Variants in SCFD2 observed in about 807,000 individuals in gnomAD.
SCFD2 encodes sec1 family domain-containing protein 2.
Under a neutral mutation model 58.9 loss-of-function variants are expected in SCFD2, and 54 were observed. That is an observed-to-expected ratio of 0.92 (90% CI 0.74 to 1.15). The LOEUF is 1.15. SCFD2 is among the 50% of genes most tolerant of loss of function. The pLI is 0.00. For synonymous variants in SCFD2, 321 were observed against 335.9 expected, an observed-to-expected ratio of 0.96 and a Z score of 0.49; for missense variants, 805 against 836.6, an observed-to-expected ratio of 0.96 and a Z score of 0.47.
intron 5 of SCFD2, among the ~76,000 whole-genome samples, chr4:52,946,310 G>C (rs1720424817): frequency 1.3e-5 from 2 of 151,974 alleles, no homozygotes; most frequent in African/African-American, 4.8e-5. Flanking sequence ...AGATCCTTAA[G>C]ATCTCATAGG....
chr4:53,023,944 G>T (rs1276322200), intron 5 of SCFD2, among the ~76,000 whole-genome samples: 1 of 152,152 alleles, frequency 6.6e-6, no homozygotes, highest in Non-Finnish European at 1.5e-5. Flanking sequence ...GAGATTGGGG[G>T]TGGTGGTGGA....
chr4:52,877,450 A>C (rs1472332510), intron 8 of SCFD2, among the ~76,000 whole-genome samples: 1 of 152,174 alleles, frequency 6.6e-6, no homozygotes, highest in Non-Finnish European at 1.5e-5. Context: ...AGGAGGGTCC[A>C]GTCTGCGCTG....
At chr4:52,937,735 G>A (rs1720178788) in intron 5 of SCFD2, among the ~76,000 whole-genome samples, 1 of 152,164 alleles carries the variant, frequency 6.6e-6, no homozygotes, top group Non-Finnish European at 1.5e-5. Context: ...GGAGGGAGGA[G>A]AGTGCCAATC....
chr4:53,247,050 T>C lies in SCFD2; in HGVS notation c.1311+26776A>G, dbSNP rs182074105. ...CCATTAAAAATTAAGTGGGCAAAGG[T>C]TGAATACTAAGAATGAGAATTAAAA... On this transcript the variant is annotated intron_variant, in intron 4 of 8. Transcript: ENST00000401642. 2.8e-3 allele frequency among the ~76,000 whole-genome samples: 406 copies of C among 144,868 alleles called. 1 individual carries two copies. Among genetic ancestry groups the C allele is most frequent in the African/African-American group, 9.7e-3 (387 of 39,734 alleles).
chr4:53,197,683 T>C (rs181909825), intron 4 of SCFD2, among the ~76,000 whole-genome samples: 11 of 144,684 alleles, frequency 7.6e-5, no homozygotes, highest in African/African-American at 2.6e-4. Flanking sequence ...TTCAAAAGCA[T>C]GAAGACTTCT....
At chr4:53,177,526 T>G (rs964227664) in intron 4 of SCFD2, among the ~76,000 whole-genome samples, 5 of 152,084 alleles carry the variant, frequency 3.3e-5, no homozygotes, top group African/African-American at 1.2e-4. Context: ...AAAGGAGGAC[T>G]GGGAGAGGAG....
At chr4:53,225,326 T>C (rs1047411577) in intron 4 of SCFD2, among the ~76,000 whole-genome samples, 8 of 152,194 alleles carry the variant, frequency 5.3e-5, no homozygotes, top group African/African-American at 1.9e-4. Flanking sequence ...CATCTCAGCA[T>C]TGTTTGGGGT....
intron 5 of SCFD2, among the ~76,000 whole-genome samples, chr4:52,963,419 T>C (rs2109543104): frequency 6.6e-6 from 1 of 152,346 alleles, no homozygotes; most frequent in East Asian, 1.9e-4. Context: ...GTAAGGTCCT[T>C]GGACTGTCTT....
chr4:53,352,571 T>C (rs761625894), intron 2 of SCFD2, 27 bp downstream of exon 2: 9 of 1,566,296 alleles, frequency 5.7e-6, no homozygotes, highest in African/African-American at 4.1e-5. Context: ...CAGAGAAAGA[T>C]AAGATGACAA....
At chr4:53,349,970 G>C (rs541363400) in intron 2 of SCFD2, among the ~76,000 whole-genome samples, 2 of 152,274 alleles carry the variant, frequency 1.3e-5, no homozygotes, top group South Asian at 4.1e-4. Flanking sequence ...GTTACCTTAG[G>C]CATGTTATTT....
At chr4:53,170,352 G>T (rs1727144026) in intron 4 of SCFD2, among the ~76,000 whole-genome samples, 1 of 152,016 alleles carries the variant, frequency 6.6e-6, no homozygotes, top group East Asian at 1.9e-4. Flanking sequence ...AAAATGCATT[G>T]GTTCATTTCT....
chr4:53,195,280 T>G (rs188786873), intron 4 of SCFD2, among the ~76,000 whole-genome samples: 22 of 152,132 alleles, frequency 1.4e-4, no homozygotes, highest in Non-Finnish European at 2.2e-4. Flanking sequence ...TTATTAGGAG[T>G]AGTAGTAGTA....
chr4:53,074,577 A>T (rs935857077), intron 5 of SCFD2, among the ~76,000 whole-genome samples: 2 of 152,182 alleles, frequency 1.3e-5, no homozygotes, highest in African/African-American at 4.8e-5. Context: ...AAATAATATG[A>T]CTTAAAAATC....
chr4:53,239,445 G>GGAGA (rs1729818814), intron 4 of SCFD2, among the ~76,000 whole-genome samples: 1 of 150,006 alleles, frequency 6.7e-6, no homozygotes, highest in Admixed American at 6.6e-5. Context: ...AGAGGGAGAG[G>GGAGA]GAGAGGGAGA....
intron 5 of SCFD2, among the ~76,000 whole-genome samples, chr4:52,983,619 T>C (rs933707880): frequency 1.4e-4 from 22 of 152,206 alleles, no homozygotes; most frequent in African/African-American, 4.6e-4. Flanking sequence ...CAGAATAAAG[T>C]GGTCTGTTCC....
Position 52,907,491 on chromosome 4 carries a change from T to A in SCFD2, c.1808A>T (p.Asp603Val). ...DIEHMSSGLT[D>V]LLKTGFSMFM... ...CATGCTAAATCCAGTTTTAAGGAGA[T>A]CAGTGAGGCCTGAAGACATGTGTTC... The change falls in exon 7 of 9, where the codon GAT becomes GTT. Residue 603 changes from aspartate to valine, a missense_variant. Asp to Val is a radical substitution (Grantham distance 152, BLOSUM62 -3). Transcript: ENST00000401642. 6.2e-7 allele frequency: 1 copy of A among 1,614,072 alleles called. No individual in the cohort carries two copies. The highest frequency in any genetic ancestry group is 8.5e-7 in the Non-Finnish European group (1 of 1,179,964).
intron 4 of SCFD2, among the ~76,000 whole-genome samples, chr4:53,169,357 GACTCAAAAAATAA>G (rs1727110061): frequency 6.6e-6 from 1 of 151,930 alleles, no homozygotes; most frequent in Admixed American, 6.6e-5. Context: ...GCGAGACTCT[GACTCAAAAAATAA>G]AAAAATAAAA....
chr4:53,165,890 T>G (rs182024665), intron 4 of SCFD2, among the ~76,000 whole-genome samples: 117 of 152,342 alleles, frequency 7.7e-4, no homozygotes, highest in African/African-American at 2.7e-3. Flanking sequence ...CTCCATCTCT[T>G]CTCAGATGTA....
At chr4:53,336,426 A>T (rs1429381420) in intron 2 of SCFD2, among the ~76,000 whole-genome samples, 1 of 152,168 alleles carries the variant, frequency 6.6e-6, no homozygotes, top group Non-Finnish European at 1.5e-5. Context: ...GCTCAAAATC[A>T]ATTTTGCTAG....
Sources: gnomAD v4.1 joint callset for allele counts (sites outside exome capture counted in the v4.1 genomes callset) on GRCh38, gnomAD v4.1.1 for gene constraint, MANE v1.5 for transcripts, NCBI Gene and HGNC (gene_info 2026-07-23, HGNC 2026-07-21) for gene names.